Variants in ZFP1 observed in about 807,000 individuals in gnomAD.
ZFP1 encodes the protein ZFP1 zinc finger protein.
ZFP1 carries 32 observed loss-of-function variants against 38.5 expected under a neutral mutation model. The observed-to-expected ratio is 0.83, with a 90% confidence interval of 0.63 to 1.12. The LOEUF (loss-of-function observed/expected upper bound fraction) is 1.12. ZFP1 is among the 50% of genes most tolerant of loss of function. The pLI, the probability that ZFP1 is intolerant of heterozygous loss-of-function variation, is 0.00. For synonymous variants in ZFP1, 245 were observed against 168.8 expected (o/e 1.45, Z -3.50); for missense variants, 616 against 480.8 (o/e 1.28, Z -2.63).
chr16:75,161,756 A>AGC (rs2037787748), intron 2 of ZFP1, among the ~76,000 whole-genome samples: 1 of 17,102 alleles, frequency 5.8e-5, no homozygotes, highest in African/African-American at 2.9e-4. Flanking sequence ...TAGTTTTATG[A>AGC]AATATATATA....
chr16:75,123,455 G>GTATGTGTATATA, the ZFP1 span, among the ~76,000 whole-genome samples: 1 of 87,292 alleles, frequency 1.1e-5, no homozygotes, highest in Non-Finnish European at 2.1e-5. Context: ...GTGTGTATAT[G>GTATGTGTATATA]TATATATATA....
intron 1 of ZFP1, chr16:75,149,227 A>G (rs2037055742): frequency 6.6e-6 from 1 of 152,218 alleles, no homozygotes; most frequent in East Asian, 1.9e-4. Flanking sequence ...CAGAAGGGGA[A>G]AGTGATTTCC....
chr16:75,169,457 A>G lies in ZFP1; in HGVS notation c.347A>G (p.Asn116Ser). 3 of 1,612,832 alleles carry G rather than the reference A, an allele frequency of 1.9e-6. No individual in the cohort carries two copies. Among genetic ancestry groups the G allele is most frequent in the Non-Finnish European group, 2.5e-6 (3 of 1,179,720 alleles). The change falls in exon 4 of 4, where the codon AAT becomes AGT. Residue 116 changes from asparagine to serine, a missense_variant. Coordinates refer to ENST00000570010, the MANE Select transcript of ZFP1 (RefSeq NM_153688.4). ...TTATATGAAAAAACTTTGAAATATAATTCAGACTTGCTTAATAGTAATAGA... is the reference window on the plus strand; with the variant it reads ...TTATATGAAAAAACTTTGAAATATAGTTCAGACTTGCTTAATAGTAATAGA... ...YDLYEKTLKY[N>S]SDLLNSNRSY... is the part of the protein sequence containing the mutation.
At chr16:75,144,765 C>T (rs1380153494), upstream of ZFP1, among the ~76,000 whole-genome samples, 1 of 152,194 alleles carries the variant, frequency 6.6e-6, no homozygotes, top group East Asian at 1.9e-4. Context: ...TTTGCCTATC[C>T]TAGGTACGTC....
the ZFP1 span, among the ~76,000 whole-genome samples, chr16:75,128,518 A>G: frequency 6.6e-6 from 1 of 152,132 alleles, no homozygotes; most frequent in South Asian, 2.1e-4. Flanking sequence ...CTATAGTAAC[A>G]CTCATTGTTA....
the ZFP1 span, among the ~76,000 whole-genome samples, chr16:75,139,045 T>C: frequency 6.6e-6 from 1 of 152,014 alleles, no homozygotes; most frequent in Non-Finnish European, 1.5e-5. Context: ...AAAAGCATCC[T>C]ACAAAATACC....
At chr16:75,165,317 T>A (rs1325377992) in intron 2 of ZFP1, among the ~76,000 whole-genome samples, 1 of 152,216 alleles carries the variant, frequency 6.6e-6, no homozygotes, top group Non-Finnish European at 1.5e-5. Flanking sequence ...TTTGAAGATT[T>A]GTCTTCTGAC....
At chr16:75,136,369 T>C in the ZFP1 span, among the ~76,000 whole-genome samples, 1 of 152,140 alleles carries the variant, frequency 6.6e-6, no homozygotes, top group Admixed American at 6.5e-5. Context: ...TCGTCGACAG[T>C]CCTACTATGG....
At chr16:75,127,220 A>G in the ZFP1 span, among the ~76,000 whole-genome samples, 2 of 152,200 alleles carry the variant, frequency 1.3e-5, no homozygotes, top group East Asian at 1.9e-4. Flanking sequence ...TAGTTTTATA[A>G]TCAGCTGTAA....
In ZFP1 at chr16:75,166,752, A is replaced by C. The variant is rs372801381; in HGVS notation, c.16-18A>C. 2.0e-5 allele frequency: 33 copies of C among 1,614,148 alleles called. No homozygotes were observed. In the African/African-American group the frequency reaches 2.8e-4, roughly 14 times the overall value. ...ACCAAATGATCATCTTAGGATGAAT[A>C]ACAATATGCCATTTCAGGGATCAGT... On this transcript the variant is annotated intron_variant, in intron 2 of 3. Coordinates refer to ENST00000570010, the MANE Select transcript of ZFP1 (RefSeq NM_153688.4).
rs1351914269 is a variant in ZFP1 at position 75,169,962 on chromosome 16, C to G, written c.852C>G (p.Thr284=). Residue 284 remains threonine (T), a synonymous_variant, in exon 4 of 4, where the codon ACC becomes ACG. Transcript: ENST00000570010. ...GKTFAQKFEL[T]THQRIHTGER... ...CATTTGCCCAAAAGTTTGAACTCAC[C>G]ACACACCAGAGAATTCATACAGGAG... 2 of 1,614,020 alleles carry G rather than the reference C, an allele frequency of 1.2e-6. No individual in the cohort carries two copies. The highest frequency in any genetic ancestry group is 1.3e-5 in the African/African-American group (1 of 74,916).
chr16:75,146,795 C>G (rs1022560860), upstream of ZFP1, among the ~76,000 whole-genome samples: 1 of 151,836 alleles, frequency 6.6e-6, no homozygotes, highest in African/African-American at 2.4e-5. Context: ...AAAAAATTAC[C>G]CAGGCATGGC....
chr16:75,161,039 C>G (rs1316710994), intron 2 of ZFP1, among the ~76,000 whole-genome samples: 1 of 151,704 alleles, frequency 6.6e-6, no homozygotes, highest in Admixed American at 6.6e-5. Flanking sequence ...CTTTACAGAC[C>G]CAAACACCAG....
upstream of ZFP1, among the ~76,000 whole-genome samples, chr16:75,144,381 C>G (rs2036921634): frequency 6.6e-6 from 1 of 152,124 alleles, no homozygotes; most frequent in South Asian, 2.1e-4. Context: ...TACACATTAT[C>G]CTTTTTAGTG....
chr16:75,133,997 C>T, the ZFP1 span, among the ~76,000 whole-genome samples: 1 of 152,040 alleles, frequency 6.6e-6, no homozygotes, highest in African/African-American at 2.4e-5. Flanking sequence ...TGCAGTGAGC[C>T]AAGATCGTGC....
At chr16:75,129,381 A>T in the ZFP1 span, among the ~76,000 whole-genome samples, 1 of 152,146 alleles carries the variant, frequency 6.6e-6, no homozygotes, top group Non-Finnish European at 1.5e-5. Context: ...AAAAAGGGGG[A>T]ATGTGAAGGA....
At chr16:75,133,128 C>A in the ZFP1 span, among the ~76,000 whole-genome samples, 1 of 151,862 alleles carries the variant, frequency 6.6e-6, no homozygotes, top group African/African-American at 2.4e-5. Context: ...CAGGTGCATG[C>A]CACCACGCCC....
At chr16:75,140,890 C>T in the ZFP1 span, among the ~76,000 whole-genome samples, 3 of 151,824 alleles carry the variant, frequency 2.0e-5, no homozygotes, top group Non-Finnish European at 2.9e-5. Flanking sequence ...ATCCGGGAGG[C>T]GGAGCTTGCA....
chr16:75,159,759 G>A (rs991997284), intron 2 of ZFP1, among the ~76,000 whole-genome samples: 5 of 152,098 alleles, frequency 3.3e-5, no homozygotes, highest in Non-Finnish European at 7.3e-5. Context: ...TGGATATGTT[G>A]TATGATACAT....
Sources: gnomAD v4.1 joint callset for allele counts (sites outside exome capture counted in the v4.1 genomes callset) on GRCh38, gnomAD v4.1.1 for gene constraint, MANE v1.5 for transcripts, NCBI Gene and HGNC (gene_info 2026-07-23, HGNC 2026-07-21) for gene names.